PABPC4L: variants seen among roughly 807,000 people sequenced by gnomAD.
PABPC4L encodes the protein polyadenylate-binding protein 4-like.
For missense variants in PABPC4L, 452 were observed against 451.4 expected, an observed-to-expected ratio of 1.00 and a Z score of -0.01; for synonymous variants, 169 against 164.1, an observed-to-expected ratio of 1.03 and a Z score of -0.23.
the PABPC4L span, among the ~76,000 whole-genome samples, chr4:134,154,325 G>A: frequency 3.9e-4 from 60 of 152,082 alleles, no homozygotes; most frequent in African/African-American, 1.3e-3. Flanking sequence ...GCGTGGTGGC[G>A]CATGCCTGTA....
the PABPC4L span, among the ~76,000 whole-genome samples, chr4:134,124,013 T>C: frequency 6.6e-6 from 1 of 152,028 alleles, no homozygotes; most frequent in Non-Finnish European, 1.5e-5. Flanking sequence ...TGTTAGGTGA[T>C]TTTTAGAGAG....
At chr4:134,170,329 A>G in the PABPC4L span, among the ~76,000 whole-genome samples, 1 of 152,096 alleles carries the variant, frequency 6.6e-6, no homozygotes, top group Admixed American at 6.6e-5. Flanking sequence ...TGTTGATTCC[A>G]TGTATTTAGT....
the PABPC4L span, among the ~76,000 whole-genome samples, chr4:134,162,595 G>A: frequency 4.6e-5 from 7 of 152,052 alleles, no homozygotes; most frequent in East Asian, 3.9e-4. Flanking sequence ...AATTCTTCAA[G>A]ATAGACAATA....
chr4:134,036,667 T>C, the PABPC4L span, among the ~76,000 whole-genome samples: 1 of 152,126 alleles, frequency 6.6e-6, no homozygotes, highest in African/African-American at 2.4e-5. Flanking sequence ...GAACATTCTC[T>C]ATGGCAACTC....
At chr4:134,016,896 G>T in the PABPC4L span, among the ~76,000 whole-genome samples, 1 of 152,074 alleles carries the variant, frequency 6.6e-6, no homozygotes, top group East Asian at 1.9e-4. Context: ...GCCCAGGACT[G>T]GCAAATTGAC....
At chr4:134,138,715 A>T in the PABPC4L span, among the ~76,000 whole-genome samples, 1 of 151,858 alleles carries the variant, frequency 6.6e-6, no homozygotes, top group African/African-American at 2.4e-5. Context: ...ATGTGTAAGT[A>T]ATGTGTTCTA....
At chr4:133,957,841 C>T in the PABPC4L span, among the ~76,000 whole-genome samples, 1 of 152,188 alleles carries the variant, frequency 6.6e-6, no homozygotes, top group East Asian at 1.9e-4. Flanking sequence ...GCTGTACCCT[C>T]GTCCCTTTTA....
the PABPC4L span, among the ~76,000 whole-genome samples, chr4:134,027,623 AT>A: frequency 6.6e-6 from 1 of 152,084 alleles, no homozygotes; most frequent in Non-Finnish European, 1.5e-5. Context: ...TCATATAGTA[AT>A]TGTATTTTTT....
At chr4:134,047,617 A>C in the PABPC4L span, among the ~76,000 whole-genome samples, 4 of 152,136 alleles carry the variant, frequency 2.6e-5, no homozygotes, top group Non-Finnish European at 5.9e-5. Flanking sequence ...TGGGAAAAAA[A>C]TGTTGCTTTT....
the PABPC4L span, among the ~76,000 whole-genome samples, chr4:134,165,393 G>A: frequency 7.0e-3 from 1,069 of 152,070 alleles, 18 homozygotes; most frequent in African/African-American, 0.024. Flanking sequence ...ATCCAACAAA[G>A]GTCTAGTATC....
the PABPC4L span, among the ~76,000 whole-genome samples, chr4:133,989,047 A>G: frequency 6.6e-6 from 1 of 152,064 alleles, no homozygotes; most frequent in Admixed American, 6.6e-5. Context: ...ACTGAGACAC[A>G]TGGCACCATG....
chr4:133,969,471 T>C, the PABPC4L span, among the ~76,000 whole-genome samples: 3 of 152,200 alleles, frequency 2.0e-5, no homozygotes, highest in African/African-American at 7.2e-5. Context: ...CACTAACTTT[T>C]ATCTGCCTTT....
At chr4:134,102,963 A>T in the PABPC4L span, among the ~76,000 whole-genome samples, 4 of 151,454 alleles carry the variant, frequency 2.6e-5, no homozygotes, top group African/African-American at 9.7e-5. Context: ...GGAAACATTA[A>T]AATATTATAT....
At chr4:134,037,263 C>T in the PABPC4L span, among the ~76,000 whole-genome samples, 1 of 151,916 alleles carries the variant, frequency 6.6e-6, no homozygotes, top group Non-Finnish European at 1.5e-5. Context: ...GATATTGACC[C>T]TTTACATCCG....
At chr4:134,135,309 C>G in the PABPC4L span, among the ~76,000 whole-genome samples, 3 of 151,978 alleles carry the variant, frequency 2.0e-5, no homozygotes, top group Non-Finnish European at 4.4e-5. Context: ...GCAGCAATGA[C>G]CTAGGTCTCT....
chr4:133,994,917 C>T, the PABPC4L span, among the ~76,000 whole-genome samples: 1 of 152,182 alleles, frequency 6.6e-6, no homozygotes, highest in South Asian at 2.1e-4. Context: ...CCACTGTTCC[C>T]AGAGGCAGTG....
chr4:134,063,411 A>G, the PABPC4L span, among the ~76,000 whole-genome samples: 1 of 152,240 alleles, frequency 6.6e-6, no homozygotes, highest in East Asian at 1.9e-4. Flanking sequence ...TAAAAGGCAC[A>G]GCAAGATAGG....
chr4:134,133,110 AT>A, the PABPC4L span, among the ~76,000 whole-genome samples: 1 of 17,152 alleles, frequency 5.8e-5, no homozygotes, highest in African/African-American at 6.0e-4. Context: ...ATATAATTAT[AT>A]ATTATATAAT....
At chr4:134,189,120 C>T in the PABPC4L span, among the ~76,000 whole-genome samples, 10 of 151,984 alleles carry the variant, frequency 6.6e-5, no homozygotes, top group African/African-American at 4.8e-5. Flanking sequence ...ACAGTGTTTT[C>T]GATCTCTTGA....
Sources: allele counts gnomAD v4.1 joint callset (sites outside exome capture counted in the v4.1 genomes callset), GRCh38; gene constraint gnomAD v4.1.1; transcripts MANE v1.5; gene names NCBI Gene and HGNC (gene_info 2026-07-23, HGNC 2026-07-21).